ADAMTS14: variants seen among roughly 807,000 people sequenced by gnomAD.
ADAMTS14 encodes the protein A disintegrin and metalloproteinase with thrombospondin motifs 14.
In ADAMTS14, 100 loss-of-function variants were observed where a neutral mutation model predicts 128.6. The ratio of observed to expected loss-of-function variants is 0.78; its 90% CI spans 0.66 to 0.92. The LOEUF (loss-of-function observed/expected upper bound fraction) is 0.92. Ranked by LOEUF, ADAMTS14 falls within the 40% of genes least tolerant of loss-of-function variation. The pLI is 0.00. For missense variants in ADAMTS14, 1,562 were observed against 1,658.6 expected (o/e 0.94, Z 1.01); for synonymous variants, 665 against 653.8 (o/e 1.02, Z -0.26).
At chr10:70,742,490 C>T (rs1842031946) in intron 12 of ADAMTS14, among the ~76,000 whole-genome samples, 1 of 152,236 alleles carries the variant, frequency 6.6e-6, no homozygotes, top group African/African-American at 2.4e-5. Context: ...GGTTGTGGCT[C>T]CAGACTTGAG....
chr10:70,706,720 T>C (rs1166525253), intron 3 of ADAMTS14, among the ~76,000 whole-genome samples: 1 of 152,236 alleles, frequency 6.6e-6, no homozygotes, highest in Admixed American at 6.5e-5. Context: ...TTTCCAGCTC[T>C]TAAGTCTAGG....
intron 2 of ADAMTS14, among the ~76,000 whole-genome samples, chr10:70,700,636 C>T (rs1351286188): frequency 1.3e-5 from 2 of 152,168 alleles, no homozygotes; most frequent in Non-Finnish European, 2.9e-5. Context: ...GGGGCTAGTA[C>T]CTTCCCCTTC....
chr10:70,702,481 T>C lies in ADAMTS14; in HGVS notation c.679+13T>C, dbSNP rs1840527021. ...CTGCACAATGAAGGTAGGCTGTAGG[T>C]AGGGGCCTGTGTGCTGCTTCTCTCC... On this transcript the variant is annotated intron_variant, in intron 3 of 21. Transcript: ENST00000373207. 1 of 1,591,134 alleles carries C rather than the reference T, an allele frequency of 6.3e-7. No individual in the cohort carries two copies. The highest frequency in any genetic ancestry group is 1.3e-5 in the African/African-American group (1 of 74,566).
At chr10:70,739,023 G>C (rs1841916518) in intron 11 of ADAMTS14, 33 bp downstream of exon 11, 2 of 1,577,524 alleles carry the variant, frequency 1.3e-6, no homozygotes, top group Middle Eastern at 2.0e-4. Context: ...GGGAGGGCAG[G>C]GAGTCCCTCC....
chr10:70,736,272 T>TG (rs55734835), intron 9 of ADAMTS14, among the ~76,000 whole-genome samples: 14 of 150,344 alleles, frequency 9.3e-5, no homozygotes, highest in Middle Eastern at 3.2e-3. Flanking sequence ...AGTGCTGGGG[T>TG]GGGGGGGGTC....
intron 4 of ADAMTS14, among the ~76,000 whole-genome samples, chr10:70,721,591 G>C (rs765311679): frequency 1.3e-5 from 2 of 152,096 alleles, no homozygotes; most frequent in Non-Finnish European, 2.9e-5. Context: ...GTTTCACCGT[G>C]TTAGCCAGGA....
intron 19 of ADAMTS14, among the ~76,000 whole-genome samples, chr10:70,756,450 T>C (rs562522717): frequency 2.0e-5 from 3 of 152,358 alleles, no homozygotes; most frequent in East Asian, 3.9e-4. Flanking sequence ...TAGTGGAAGA[T>C]ACTGGCCCTG....
intron 8 of ADAMTS14, among the ~76,000 whole-genome samples, chr10:70,734,925 G>C (rs1379388458): frequency 6.6e-6 from 1 of 152,184 alleles, no homozygotes; most frequent in Non-Finnish European, 1.5e-5. Context: ...TCTAATCCCA[G>C]TCTGGGTACC....
At chr10:70,749,233 T>C (rs16927881) in intron 15 of ADAMTS14, among the ~76,000 whole-genome samples, 3,546 of 152,298 alleles carry the variant, frequency 0.023, 120 homozygotes, top group African/African-American at 0.081. Flanking sequence ...GTTTATGAAC[T>C]CTTCTCGTTG....
At chr10:70,678,717 C>T (rs551685486) in intron 2 of ADAMTS14, among the ~76,000 whole-genome samples, 19 of 152,212 alleles carry the variant, frequency 1.2e-4, no homozygotes, top group African/African-American at 4.1e-4. Context: ...ATAATGGCTG[C>T]GTGACTCTGA....
intron 4 of ADAMTS14, among the ~76,000 whole-genome samples, chr10:70,722,740 T>C (rs965329093): frequency 2.6e-5 from 4 of 152,138 alleles, no homozygotes; most frequent in African/African-American, 9.7e-5. Context: ...CTGTGACAAT[T>C]TGAGCAACAA....
intron 4 of ADAMTS14, 48 bp downstream of exon 4, chr10:70,708,826 G>GGGCCCCC: frequency 1.5e-5 from 6 of 396,616 alleles, no homozygotes; most frequent in Middle Eastern, 4.2e-4. Flanking sequence ...GGTGGGGTGG[G>GGGCCCCC]CCCCACCCCA....
chr10:70,721,019 C>CTT (rs56656736), intron 4 of ADAMTS14, among the ~76,000 whole-genome samples: 727 of 84,288 alleles, frequency 8.6e-3, no homozygotes, highest in Non-Finnish European at 0.011. Context: ...TCTCTTTTTT[C>CTT]TTTTTTTTTT....
chr10:70,680,418 TA>T (rs1008149004), intron 2 of ADAMTS14, among the ~76,000 whole-genome samples: 12 of 151,620 alleles, frequency 7.9e-5, no homozygotes, highest in East Asian at 1.9e-4. Flanking sequence ...AATAAATAAA[TA>T]AAAAAAATAA....
chr10:70,681,619 C>T lies in ADAMTS14; in HGVS notation c.522+6624C>T, dbSNP rs571206004. 3.8e-3 allele frequency among the ~76,000 whole-genome samples: 580 copies of T among 152,316 alleles called. 6 individuals carry two copies. Among genetic ancestry groups the T allele is most frequent in the African/African-American group, 0.013 (553 of 41,570 alleles). ...CTTTTTGGTCTCCTGTGCCAAACAC[C>T]TGTCCTTGCCCCGGGGGCTGCTCTT... is the stretch of plus-strand genomic sequence containing the variant. On this transcript the variant is annotated intron_variant, in intron 2 of 21. Coordinates refer to ENST00000373207, the MANE Select transcript of ADAMTS14 (RefSeq NM_080722.4).
chr10:70,730,387 G>C, intron 6 of ADAMTS14, 138 bp downstream of exon 6: 2 of 1,226,580 alleles, frequency 1.6e-6, no homozygotes, highest in South Asian at 3.5e-5. Context: ...GGACAGCCGA[G>C]GATGAGCTTT....
In ADAMTS14 at chr10:70,758,190, C is replaced by T. The variant is rs1371462675; in HGVS notation, c.3083C>T (p.Ser1028Phe). Residue 1028 changes from serine to phenylalanine, a missense_variant, in exon 21 of 22, where the codon TCC (serine) becomes TTC (phenylalanine). Coordinates refer to ENST00000373207, the MANE Select transcript of ADAMTS14 (RefSeq NM_080722.4). ...CTGCTCACAGGAAATCACCAGAACT[C>T]CACGGTGAGGGCCGATGTCTGGGAA... ...LPACGGNHQNSTVRADVWELG... is the reference protein window; with the variant it reads ...LPACGGNHQNFTVRADVWELG... The T allele has an allele frequency of 1.2e-6, 2 of 1,614,178 alleles. No individual in the cohort carries two copies. The highest frequency in any genetic ancestry group is 3.3e-5 in the Admixed American group (2 of 60,022).
At chr10:70,675,088 G>T (rs1245809419) in intron 2 of ADAMTS14, 93 bp downstream of exon 2, 10 of 1,466,722 alleles carry the variant, frequency 6.8e-6, no homozygotes, top group Non-Finnish European at 9.2e-6. Flanking sequence ...TTTGCAGTCT[G>T]GGCCAAGGCA....
At chr10:70,738,598 T>C (rs1166033315) in intron 10 of ADAMTS14, among the ~76,000 whole-genome samples, 1 of 152,254 alleles carries the variant, frequency 6.6e-6, no homozygotes, top group Non-Finnish European at 1.5e-5. Flanking sequence ...CTGCCATTTC[T>C]GGAGGGCCTT....
Sources: gnomAD v4.1 joint callset for allele counts (sites outside exome capture counted in the v4.1 genomes callset) on GRCh38, gnomAD v4.1.1 for gene constraint, MANE v1.5 for transcripts, NCBI Gene and HGNC (gene_info 2026-07-23, HGNC 2026-07-21) for gene names.